Variants in F10 observed in about 807,000 individuals in gnomAD.
The protein encoded by F10 is coagulation factor X.
In F10, 29 loss-of-function variants were observed where a neutral mutation model predicts 37.1. That is an observed-to-expected ratio of 0.78 (90% CI 0.58 to 1.07). The LOEUF is 1.07. Ranked by LOEUF, F10 falls within the 50% of genes least tolerant of loss-of-function variation. F10 has a pLI of 0.00. For synonymous variants in F10, 262 were observed against 268.6 expected, an observed-to-expected ratio of 0.98 and a Z score of 0.24; for missense variants, 539 against 667.9, an observed-to-expected ratio of 0.81 and a Z score of 2.13.
chr13:113,141,124 G>A lies in F10; in HGVS notation c.502+74G>A. Reference sequence around the variant, plus strand: ...AGGGAGGACAAGCCCGTGCCAGGGGGTGGGGACACAGGCATGTTCTGGGCG... The same window carrying A: ...AGGGAGGACAAGCCCGTGCCAGGGGATGGGGACACAGGCATGTTCTGGGCG... On this transcript the variant is annotated intron_variant, in intron 5 of 7. Transcript: ENST00000375559. This position sits in a 1 kb window ranked among gnomAD's most constrained non-coding sequence, Gnocchi z 5.4. 1.0e-5 allele frequency: 16 copies of A among 1,596,828 alleles called. No homozygotes were observed. Among genetic ancestry groups the A allele is most frequent in the Non-Finnish European group, 1.4e-5 (16 of 1,174,508 alleles).
Position 113,147,381 on chromosome 13 carries a change from C to T in F10, c.750C>T (p.Ala250=), listed in dbSNP as rs1249702075. The T allele has an allele frequency of 1.2e-5, 19 of 1,607,684 alleles. No individual in the cohort carries two copies. The highest frequency in any genetic ancestry group is 1.5e-5 in the Non-Finnish European group (18 of 1,174,144). The change falls in exon 7 of 8, where the codon GCC becomes GCT. Residue 250 remains alanine (A), a splice_region_variant and synonymous_variant. Coordinates refer to ENST00000375559, the MANE Select transcript of F10 (RefSeq NM_000504.4). ...ECKDGECPWQ[A]LLINEENEGF... is the part of the protein sequence containing the mutation. ...TGAGCCTGTCACGTCTGTCACAGGCCCTGCTCATCAATGAGGAAAACGAGG... is the reference window on the plus strand; with the variant it reads ...TGAGCCTGTCACGTCTGTCACAGGCTCTGCTCATCAATGAGGAAAACGAGG...
intron 6 of F10, among the ~76,000 whole-genome samples, chr13:113,145,721 A>C (rs1267154667): frequency 6.6e-6 from 1 of 152,232 alleles, no homozygotes; most frequent in Non-Finnish European, 1.5e-5. Flanking sequence ...ACATGGCGGC[A>C]GCAAGACAGA....
At chr13:113,123,525 T>C (rs754733765) in intron 1 of F10, among the ~76,000 whole-genome samples, 68 of 152,044 alleles carry the variant, frequency 4.5e-4, no homozygotes, top group Non-Finnish European at 9.0e-4. Flanking sequence ...CAGGCAAGCC[T>C]GGGGACAGCG....
chr13:113,138,909 A>G (rs901011097), intron 3 of F10, among the ~76,000 whole-genome samples: 6 of 152,252 alleles, frequency 3.9e-5, no homozygotes, highest in African/African-American at 1.2e-4. Context: ...AACTGGGCCT[A>G]TCTCTAAATG....
At chr13:113,132,603 A>C (rs1203575788) in intron 2 of F10, among the ~76,000 whole-genome samples, 1 of 152,236 alleles carries the variant, frequency 6.6e-6, no homozygotes, top group Non-Finnish European at 1.5e-5. Context: ...GCTCCAAAAC[A>C]TGGATAGAAT....
Position 113,141,831 on chromosome 13 carries a change from T to G in F10, c.502+781T>G, listed in dbSNP as rs1042062367. On this transcript the variant is annotated intron_variant, in intron 5 of 7. Coordinates refer to ENST00000375559, the MANE Select transcript of F10 (RefSeq NM_000504.4). This position sits in a 1 kb window ranked among gnomAD's most constrained non-coding sequence, Gnocchi z 5.4. ...GCGTTGGCCTCACCCGGGGGCATAT[T>G]CGAAGGGCAGAGTTCCAGGCCCGCC... Among the ~76,000 whole-genome samples, 2 of 152,184 alleles carry G rather than the reference T, an allele frequency of 1.3e-5. No homozygotes were observed. Among genetic ancestry groups the G allele is most frequent in the Non-Finnish European group, 2.9e-5 (2 of 68,028 alleles).
chr13:113,132,086 G>A (rs953439895), intron 2 of F10: 2 of 152,226 alleles, frequency 1.3e-5, no homozygotes, highest in African/African-American at 2.4e-5. Context: ...GTGTGACTCA[G>A]ATATCTTTGC....
intron 2 of F10, among the ~76,000 whole-genome samples, chr13:113,136,499 C>T (rs537621381): frequency 1.1e-4 from 17 of 151,554 alleles, no homozygotes; most frequent in Middle Eastern, 3.4e-3. Flanking sequence ...TTCCCGTTGC[C>T]CAGGCTGGGG....
intron 1 of F10, among the ~76,000 whole-genome samples, chr13:113,123,798 G>A (rs1367550829): frequency 6.6e-6 from 1 of 152,142 alleles, no homozygotes; most frequent in African/African-American, 2.4e-5. Flanking sequence ...TCACACGGGG[G>A]TCTTCTCCAT....
intron 4 of F10, chr13:113,140,624 G>C (rs1390235742): frequency 1.6e-6 from 1 of 616,402 alleles, no homozygotes; most frequent in Non-Finnish European, 3.1e-6. Flanking sequence ...AGAGGGATGT[G>C]GAGTGACCGT....
intron 2 of F10, chr13:113,131,274 A>T (rs2036431832): frequency 6.6e-6 from 1 of 152,232 alleles, no homozygotes; most frequent in Admixed American, 6.5e-5. Flanking sequence ...GATTTATGAA[A>T]TTGGATGCCA....
intron 1 of F10, among the ~76,000 whole-genome samples, chr13:113,127,708 A>T (rs1317598623): frequency 1.3e-5 from 2 of 152,194 alleles, no homozygotes; most frequent in Non-Finnish European, 1.5e-5. Flanking sequence ...GTATTTTAGG[A>T]AATACTAATA....
rs367745324 is a variant in F10 at position 113,144,054 on chromosome 13, G to A, written c.706G>A (p.Val236Met). The A allele has an allele frequency of 7.4e-6, 12 of 1,613,928 alleles. No individual in the cohort carries two copies. Among genetic ancestry groups the A allele is most frequent in the South Asian group, 3.3e-5 (3 of 91,076 alleles). ...ERGDNNLTRI[V>M]GGQECKDGEC... Reference sequence around the variant, plus strand: ...GGGCGACAACAACCTCACCAGGATCGTGGGAGGCCAGGAATGCAAGGACGG... The same window carrying A: ...GGGCGACAACAACCTCACCAGGATCATGGGAGGCCAGGAATGCAAGGACGG... The change falls in exon 6 of 8, where the codon GTG becomes ATG. Residue 236 changes from valine to methionine, a missense_variant. Physicochemically the swap from Val to Met is conservative, Grantham distance 21 (BLOSUM62 1). This residue lies in a region of F10 where 409 missense variants were observed against 547.9 expected (regional missense o/e 0.75). Coordinates refer to ENST00000375559, the MANE Select transcript of F10 (RefSeq NM_000504.4). This position sits in a 1 kb window ranked among gnomAD's most constrained non-coding sequence, Gnocchi z 6.4.
At chr13:113,134,611 C>A (rs1388657213) in intron 2 of F10, among the ~76,000 whole-genome samples, 4 of 152,160 alleles carry the variant, frequency 2.6e-5, no homozygotes, top group African/African-American at 4.8e-5. Flanking sequence ...ATGGGAACTA[C>A]AATTCAAGAT....
In F10 at chr13:113,148,345, A is replaced by AAAATATATATATATATATATATAT. The variant is rs1300922846; in HGVS notation, c.866-570_866-569insAATATATATATATATATATATATA. ...AACTCTGTCTCAAAAAAAAAAAAAA[A>AAAATATATATATATATATATATAT]ATATATATATATATATATGTATATA... On this transcript the variant is annotated intron_variant, in intron 7 of 7. Coordinates refer to ENST00000375559, the MANE Select transcript of F10 (RefSeq NM_000504.4). Among the ~76,000 whole-genome samples the AAAATATATATATATATATATATAT allele has an allele frequency of 4.2e-5, 4 of 95,418 alleles. No homozygotes were observed. The East Asian group carries it at 1.7e-3, about 41-fold the overall frequency. 62.6% of individuals were successfully genotyped at this position (95,418 alleles called of 152,430 possible).
At position 113,137,291 on chromosome 13, in the gene F10, GGTT is replaced by G. The variant is rs560646261; in HGVS notation, c.232-1162_232-1160del. On this transcript the variant is annotated intron_variant, in intron 2 of 7. Transcript: ENST00000375559. ...TTTCATTTACATGACATGCTCAATA[GGTT>G]GTTATCATTGTGATAAAGAATAGAT... 1.2e-4 allele frequency among the ~76,000 whole-genome samples: 19 copies of G among 152,254 alleles called. No individual in the cohort carries two copies. The South Asian group carries it at 2.5e-3, about 20-fold the overall frequency.
intron 2 of F10, among the ~76,000 whole-genome samples, chr13:113,133,379 CTG>C (rs1172255247): frequency 1.3e-5 from 2 of 152,060 alleles, no homozygotes; most frequent in African/African-American, 2.4e-5. Context: ...ACTACAGAAA[CTG>C]TAGATGTTAA....
At chr13:113,135,974 G>T (rs2036474895) in intron 2 of F10, among the ~76,000 whole-genome samples, 1 of 151,996 alleles carries the variant, frequency 6.6e-6, no homozygotes, top group Non-Finnish European at 1.5e-5. Context: ...CAAACTAAGA[G>T]AAAATATTTG....
At chr13:113,133,780 A>G (rs2036454735) in intron 2 of F10, among the ~76,000 whole-genome samples, 1 of 152,232 alleles carries the variant, frequency 6.6e-6, no homozygotes, top group Non-Finnish European at 1.5e-5. Flanking sequence ...CCTCAACAAA[A>G]TATTAGCAAA....
Sources: gnomAD v4.1 joint callset for allele counts (sites outside exome capture counted in the v4.1 genomes callset) on GRCh38, gnomAD v4.1.1 for gene constraint, gnomAD v4.1.1 regional missense constraint, Gnocchi (gnomAD v3.1) non-coding constraint, MANE v1.5 for transcripts, NCBI Gene and HGNC (gene_info 2026-07-23, HGNC 2026-07-21) for gene names.